EXT2: variants seen among roughly 807,000 people sequenced by gnomAD.
EXT2 encodes the protein exostosin-2.
A neutral mutation model predicts 81.6 loss-of-function variants in EXT2; 53 were observed. That is an observed-to-expected ratio of 0.65 (90% CI 0.52 to 0.82). The LOEUF (loss-of-function observed/expected upper bound fraction) is 0.82, where lower values mean the gene tolerates loss of function less well. EXT2 is among the 40% of genes least tolerant of loss of function. The probability of loss-of-function intolerance (pLI) is 0.00; values close to 1 mark genes in which losing one functional copy is unlikely to be tolerated. For missense variants in EXT2, 774 were observed against 910.2 expected, an observed-to-expected ratio of 0.85 and a Z score of 1.93; for synonymous variants, 320 against 340.0, an observed-to-expected ratio of 0.94 and a Z score of 0.65.
At chr11:44,225,280 C>T (rs558956429) in intron 10 of EXT2, among the ~76,000 whole-genome samples, 3 of 152,216 alleles carry the variant, frequency 2.0e-5, no homozygotes, top group Non-Finnish European at 4.4e-5. Flanking sequence ...CCTTCTCTGC[C>T]TCAGAGCCTC....
At chr11:44,118,013 A>G (rs1954247540) in intron 4 of EXT2, among the ~76,000 whole-genome samples, 1 of 152,166 alleles carries the variant, frequency 6.6e-6, no homozygotes, top group South Asian at 2.1e-4. Context: ...GGTCCTTTGC[A>G]TTTTAATTAA....
intron 7 of EXT2, among the ~76,000 whole-genome samples, chr11:44,162,680 G>A (rs1199034394): frequency 1.3e-5 from 2 of 151,962 alleles, no homozygotes; most frequent in Non-Finnish European, 2.9e-5. Flanking sequence ...CTGCAGTTAG[G>A]TGAACCATTG....
At chr11:44,151,601 C>T (rs928304577) in intron 7 of EXT2, among the ~76,000 whole-genome samples, 1 of 152,056 alleles carries the variant, frequency 6.6e-6, no homozygotes, top group African/African-American at 2.4e-5. Context: ...TCTGGATGTA[C>T]CACAGTTTAT....
intron 7 of EXT2, among the ~76,000 whole-genome samples, chr11:44,157,123 A>G (rs1337887845): frequency 6.6e-6 from 1 of 152,234 alleles, no homozygotes; most frequent in Non-Finnish European, 1.5e-5. Context: ...GAACTGGGGA[A>G]TGGGTGACAC....
In EXT2 at chr11:44,107,712, T is replaced by C; in HGVS notation, c.-1T>C. On this transcript the variant is annotated 5_prime_UTR_variant, in exon 2 of 14. Coordinates refer to ENST00000533608, the MANE Select transcript of EXT2 (RefSeq NM_207122.2). ...GTGAGGAAGAGGCTGTCTGTGTCATTATGTGTGCGTCGGTCAAGTATAATA... is the reference window on the plus strand; with the variant it reads ...GTGAGGAAGAGGCTGTCTGTGTCATCATGTGTGCGTCGGTCAAGTATAATA... 6.2e-7 allele frequency: 1 copy of C among 1,614,048 alleles called. No homozygotes were observed. Among genetic ancestry groups the C allele is most frequent in the Non-Finnish European group, 8.5e-7 (1 of 1,179,918 alleles).
intron 10 of EXT2, among the ~76,000 whole-genome samples, chr11:44,214,557 A>T (rs536244850): frequency 6.6e-6 from 1 of 152,144 alleles, no homozygotes; most frequent in Non-Finnish European, 1.5e-5. Flanking sequence ...TGTATTTTCC[A>T]GGGAATTTGT....
chr11:44,123,740 G>A (rs867125088), intron 4 of EXT2, among the ~76,000 whole-genome samples: 15 of 152,312 alleles, frequency 9.8e-5, no homozygotes, highest in African/African-American at 3.6e-4. Flanking sequence ...GATTTGATAT[G>A]CTCAACCTGT....
chr11:44,226,931 A>G lies in EXT2; in HGVS notation c.1663-5422A>G, dbSNP rs138413857. The stretch of plus-strand genomic sequence containing the variant: ...GCCAAATTTGATGTGCCTTGGATCT[A>G]TAGACTGCACCCCCAATTCCATTTC... On this transcript the variant is annotated intron_variant, in intron 10 of 13. Transcript: ENST00000533608. Among the ~76,000 whole-genome samples, 31 of 152,352 alleles carry G rather than the reference A, an allele frequency of 2.0e-4. No homozygotes were observed. In the East Asian group the frequency reaches 6.0e-3, roughly 29 times the overall value.
At chr11:44,228,130 T>G (rs1955858173) in intron 10 of EXT2, among the ~76,000 whole-genome samples, 1 of 152,212 alleles carries the variant, frequency 6.6e-6, no homozygotes, top group Admixed American at 6.5e-5. Context: ...ATAGAGTTTT[T>G]TATAACAGAG....
intron 10 of EXT2, among the ~76,000 whole-genome samples, chr11:44,212,639 A>G (rs1212338240): frequency 6.6e-6 from 1 of 152,212 alleles, no homozygotes; most frequent in Non-Finnish European, 1.5e-5. Flanking sequence ...ATATGTGCAG[A>G]CATATGTCTG....
rs1956099161 is a variant in EXT2, at chr11:44,246,932, A to G, written c.*2645A>G. On this transcript the variant is annotated 3_prime_UTR_variant, in exon 14 of 14. Transcript: ENST00000533608. ...TGGTTTTAGATTAAGAAATCTTTTT[A>G]AAGAAACACATCTTACTGGCCTATA... is the stretch of plus-strand genomic sequence containing the variant. Among the ~76,000 whole-genome samples, 1 of 152,238 alleles carries G rather than the reference A, an allele frequency of 6.6e-6. No individual in the cohort carries two copies. Among genetic ancestry groups the G allele is most frequent in the African/African-American group, 2.4e-5 (1 of 41,474 alleles).
intron 9 of EXT2, among the ~76,000 whole-genome samples, chr11:44,204,122 G>A (rs1007829838): frequency 6.6e-6 from 1 of 152,188 alleles, no homozygotes; most frequent in African/African-American, 2.4e-5. Flanking sequence ...AGATTTCAGA[G>A]TGTAATCTGG....
chr11:44,225,005 A>G (rs1031088008), intron 10 of EXT2, among the ~76,000 whole-genome samples: 2 of 152,106 alleles, frequency 1.3e-5, no homozygotes, highest in African/African-American at 4.8e-5. Flanking sequence ...TCATTAAGCA[A>G]TCTCCTGAGA....
intron 10 of EXT2, among the ~76,000 whole-genome samples, chr11:44,222,257 T>G (rs1415025238): frequency 6.6e-6 from 1 of 152,174 alleles, no homozygotes; most frequent in Non-Finnish European, 1.5e-5. Flanking sequence ...AGGAAGAAAC[T>G]GACTTCTCAC....
intron 5 of EXT2, 108 bp downstream of exon 5, chr11:44,125,092 C>A: frequency 1.9e-6 from 2 of 1,029,578 alleles, no homozygotes; most frequent in Non-Finnish European, 3.0e-6. Flanking sequence ...CTAGAATTAC[C>A]CAAGGGGAAG....
At chr11:44,217,481 T>A (rs889818091) in intron 10 of EXT2, among the ~76,000 whole-genome samples, 1 of 152,232 alleles carries the variant, frequency 6.6e-6, no homozygotes, top group Non-Finnish European at 1.5e-5. Flanking sequence ...GAGCTAGGAA[T>A]GATCTTCTCT....
chr11:44,209,825 C>T (rs970911125), intron 10 of EXT2, among the ~76,000 whole-genome samples: 1 of 152,188 alleles, frequency 6.6e-6, no homozygotes, highest in African/African-American at 2.4e-5. Context: ...TAATTGTGAA[C>T]TGTGTTGTTA....
intron 9 of EXT2, among the ~76,000 whole-genome samples, chr11:44,199,271 A>G (rs1955494879): frequency 1.3e-5 from 2 of 152,264 alleles, no homozygotes; most frequent in South Asian, 2.1e-4. Flanking sequence ...GGATGAGAAT[A>G]CAGAAAGGAA....
intron 10 of EXT2, among the ~76,000 whole-genome samples, chr11:44,223,087 AC>A (rs1200615577): frequency 6.6e-6 from 1 of 152,260 alleles, no homozygotes; most frequent in Non-Finnish European, 1.5e-5. Context: ...ATCATTACAC[AC>A]CTATAAGAAT....
Sources: allele counts gnomAD v4.1 joint callset (sites outside exome capture counted in the v4.1 genomes callset), GRCh38; gene constraint gnomAD v4.1.1; transcripts MANE v1.5; gene names NCBI Gene and HGNC (gene_info 2026-07-23, HGNC 2026-07-21).